LGR4: variants seen among roughly 807,000 people sequenced by gnomAD.
LGR4 encodes the protein leucine rich repeat containing G protein-coupled receptor 4, also known as leucine-rich repeat-containing G protein-coupled receptor 4.
LGR4 carries 44 observed loss-of-function variants against 84.8 expected under a neutral mutation model. The observed-to-expected ratio is 0.52, with a 90% confidence interval of 0.41 to 0.67. The LOEUF is 0.67. Among genes scored for constraint, LGR4 ranks in the 30% least tolerant of loss-of-function variants. LGR4 has a pLI of 0.00. For synonymous variants in LGR4, 429 were observed against 434.3 expected (o/e 0.99, Z 0.15); for missense variants, 1,032 against 1,131.4 (o/e 0.91, Z 1.26).
At chr11:27,379,783 C>T (rs1202464406) in intron 10 of LGR4, among the ~76,000 whole-genome samples, 2 of 152,194 alleles carry the variant, frequency 1.3e-5, no homozygotes, top group African/African-American at 2.4e-5. Flanking sequence ...CCAAACAATT[C>T]TCCGATTTCT....
chr11:27,369,226 C>T lies in LGR4; in HGVS notation c.1580-83G>A. On this transcript the variant is annotated intron_variant, in intron 17 of 17. Transcript: ENST00000379214. ...AAAATGATATGGCTTGATAGAAAAA[C>T]TAATGATATAGACTAATTAAATCTG... The T allele has an allele frequency of 2.8e-6, 3 of 1,069,334 alleles. No homozygotes were observed. The South Asian group carries it at 5.1e-5, about 18-fold the overall frequency. The allele number at this position is 1,069,334 out of a possible 1,614,324, so 66.2% of individuals were successfully genotyped here. A position where few individuals can be genotyped will look rare whatever the true frequency, so the allele number is the denominator to read the frequency against.
In LGR4 at chr11:27,368,743, T is replaced by A; in HGVS notation, c.1980A>T (p.Lys660Asn). 1 of 1,613,968 alleles carries A rather than the reference T, an allele frequency of 6.2e-7. No homozygotes were observed. The change falls in exon 18 of 18, where the codon AAA becomes AAT. Residue 660 changes from lysine (K) to asparagine (N), a missense_variant. Coordinates refer to ENST00000379214, the MANE Select transcript of LGR4 (RefSeq NM_018490.5). ...IMKNGKSNHL[K>N]QFRVAALLAF... is the part of the protein sequence containing the mutation. ...CCAAAAGGGCAGCAACCCGGAACTG[T>A]TTGAGATGATTGCTCTTCCCATTTT...
At chr11:27,450,527 G>A (rs376543292) in intron 1 of LGR4, among the ~76,000 whole-genome samples, 4 of 152,056 alleles carry the variant, frequency 2.6e-5, no homozygotes, top group Admixed American at 1.3e-4. Flanking sequence ...GGTGGCTCAC[G>A]TCTGTAATCC....
At chr11:27,428,728 T>C (rs1864067173) in intron 1 of LGR4, among the ~76,000 whole-genome samples, 1 of 152,096 alleles carries the variant, frequency 6.6e-6, no homozygotes, top group African/African-American at 2.4e-5. Context: ...GAAAAAAAGG[T>C]GAACTTTTCT....
At chr11:27,403,683 CAT>C (rs1863547332) in intron 2 of LGR4, among the ~76,000 whole-genome samples, 2 of 152,228 alleles carry the variant, frequency 1.3e-5, no homozygotes, top group Admixed American at 6.5e-5. Flanking sequence ...AGTTTGGAAA[CAT>C]GTACAAAATA....
chr11:27,386,142 C>A (rs1863183713), intron 4 of LGR4, among the ~76,000 whole-genome samples: 1 of 152,148 alleles, frequency 6.6e-6, no homozygotes, highest in African/African-American at 2.4e-5. Flanking sequence ...AAAAACCAAG[C>A]AGCTCCTGGA....
At chr11:27,400,572 G>T (rs543198707) in intron 2 of LGR4, among the ~76,000 whole-genome samples, 1 of 150,902 alleles carries the variant, frequency 6.6e-6, no homozygotes, top group African/African-American at 2.4e-5. Flanking sequence ...GTGCAATCTC[G>T]GCTGACTGCA....
intron 1 of LGR4, among the ~76,000 whole-genome samples, chr11:27,414,396 TAA>T (rs372024424): frequency 2.8e-5 from 4 of 145,162 alleles, no homozygotes; most frequent in African/African-American, 5.0e-5. Context: ...AACCGGGGTT[TAA>T]AAAAAAAAAG....
At chr11:27,470,960 AAGAGG>A (rs1864860534) in intron 1 of LGR4, among the ~76,000 whole-genome samples, 1 of 152,114 alleles carries the variant, frequency 6.6e-6, no homozygotes, top group Non-Finnish European at 1.5e-5. Context: ...GTCTATTTCT[AAGAGG>A]TCCCTTCCAC....
intron 1 of LGR4, among the ~76,000 whole-genome samples, chr11:27,419,655 T>A (rs976925217): frequency 6.7e-6 from 1 of 148,240 alleles, no homozygotes; most frequent in Non-Finnish European, 1.5e-5. Flanking sequence ...TATACACATA[T>A]ATATGTGTAT....
At chr11:27,393,503 T>G (rs75772744) in intron 2 of LGR4, among the ~76,000 whole-genome samples, 6,886 of 151,866 alleles carry the variant, frequency 0.045, 240 homozygotes, top group Middle Eastern at 0.065. Context: ...CAAGTCCTCC[T>G]TTAAAATTCC....
chr11:27,430,496 CT>C (rs1176201103), intron 1 of LGR4, among the ~76,000 whole-genome samples: 1 of 152,296 alleles, frequency 6.6e-6, no homozygotes, highest in South Asian at 2.1e-4. Context: ...ATCTGTGCTT[CT>C]CTGTTTTCTA....
intron 17 of LGR4, 90 bp from the exon 18 acceptor site, chr11:27,369,233 T>C: frequency 2.0e-6 from 2 of 1,003,528 alleles, no homozygotes; most frequent in Non-Finnish European, 2.8e-6. Context: ...AAACTAATGA[T>C]ATAGACTAAT....
intron 1 of LGR4, among the ~76,000 whole-genome samples, chr11:27,452,377 C>T (rs1025024985): frequency 7.2e-5 from 11 of 152,080 alleles, no homozygotes; most frequent in Non-Finnish European, 1.5e-4. Flanking sequence ...TCAGCTAAAC[C>T]GGGAAATTTA....
chr11:27,372,239 A>G (rs755055309), intron 16 of LGR4, 44 bp downstream of exon 16: 34 of 1,075,574 alleles, frequency 3.2e-5, no homozygotes, highest in Admixed American at 1.6e-4. Flanking sequence ...ACTTTAATCA[A>G]TGCCTTAAAG....
chr11:27,371,995 G>C (rs572650251), intron 16 of LGR4, among the ~76,000 whole-genome samples: 4 of 152,130 alleles, frequency 2.6e-5, no homozygotes, highest in Non-Finnish European at 5.9e-5. Context: ...CTCCCAAGTA[G>C]TGGGGAATAC....
intron 1 of LGR4, among the ~76,000 whole-genome samples, chr11:27,447,278 A>G (rs1864408505): frequency 6.6e-6 from 1 of 152,164 alleles, no homozygotes; most frequent in Non-Finnish European, 1.5e-5. Context: ...GGTGGTAAAG[A>G]CCACTCTGAT....
chr11:27,418,529 T>TC (rs1393273147), intron 1 of LGR4, among the ~76,000 whole-genome samples: 1 of 152,174 alleles, frequency 6.6e-6, no homozygotes, highest in African/African-American at 2.4e-5. Context: ...GCTGAGTACT[T>TC]CCCAGCAAGA....
At chr11:27,458,663 C>T (rs1283012630) in intron 1 of LGR4, among the ~76,000 whole-genome samples, 8 of 152,086 alleles carry the variant, frequency 5.3e-5, no homozygotes, top group Non-Finnish European at 1.2e-4. Context: ...CTCAGCCTCC[C>T]GAGTAGCTAG....
Sources: allele counts gnomAD v4.1 joint callset (sites outside exome capture counted in the v4.1 genomes callset), GRCh38; gene constraint gnomAD v4.1.1; transcripts MANE v1.5; gene names NCBI Gene and HGNC (gene_info 2026-07-23, HGNC 2026-07-21).